The following C4orf17 variants were observed in gnomAD, a reference collection of about 807,000 sequenced individuals.
The protein encoded by C4orf17 is chromosome 4 open reading frame 17.
C4orf17 carries 25 observed loss-of-function variants against 32.0 expected under a neutral mutation model. The observed-to-expected ratio is 0.78, with a 90% confidence interval of 0.57 to 1.09. The LOEUF (loss-of-function observed/expected upper bound fraction) is 1.09. Ranked by LOEUF, C4orf17 falls within the 50% of genes least tolerant of loss-of-function variation. The pLI is 0.00. For synonymous variants in C4orf17, 149 were observed against 145.8 expected (o/e 1.02, Z -0.16); for missense variants, 420 against 420.0 (o/e 1.00, Z 0.00).
intron 2 of C4orf17, among the ~76,000 whole-genome samples, chr4:99,517,775 A>G (rs1316626496): frequency 6.6e-6 from 1 of 152,124 alleles, no homozygotes; most frequent in Non-Finnish European, 1.5e-5. Context: ...AATACCCTCT[A>G]TAGACCAAAT....
intron 5 of C4orf17, among the ~76,000 whole-genome samples, chr4:99,537,405 C>T (rs866194304): frequency 1.3e-5 from 2 of 152,242 alleles, no homozygotes; most frequent in Middle Eastern, 3.4e-3. Context: ...GCAGCTAATG[C>T]CCTCTTGTGA....
chr4:99,528,733 C>T (rs1307605939), intron 4 of C4orf17, among the ~76,000 whole-genome samples: 5 of 152,012 alleles, frequency 3.3e-5, no homozygotes, highest in African/African-American at 1.2e-4. Context: ...AAGGGGGAGG[C>T]CACTTATAAA....
intron 2 of C4orf17, among the ~76,000 whole-genome samples, chr4:99,518,334 G>T (rs765543756): frequency 6.6e-6 from 1 of 150,668 alleles, no homozygotes; most frequent in Non-Finnish European, 1.5e-5. Context: ...TGGGAGGATC[G>T]CTTGAGGTGG....
chr4:99,524,454 A>G, intron 3 of C4orf17, 67 bp from the exon 4 acceptor site: 1 of 913,654 alleles, frequency 1.1e-6, no homozygotes, highest in South Asian at 1.4e-5. Context: ...CAATTGACAC[A>G]TATATCATGT....
rs185893426 is a variant in C4orf17 at position 99,535,151 on chromosome 4, C to T, written c.547-2518C>T. ...CCTTTGTAGGTGACCTGGCCTTTCT[C>T]TCTGGCTGCCCTTAATGTTTTTTCT... On this transcript the variant is annotated intron_variant, in intron 5 of 8. Coordinates refer to ENST00000326581, the MANE Select transcript of C4orf17 (RefSeq NM_032149.3). 1.5e-3 allele frequency among the ~76,000 whole-genome samples: 225 copies of T among 152,200 alleles called. 1 individual carries two copies. Among genetic ancestry groups the T allele is most frequent in the African/African-American group, 5.2e-3 (217 of 41,522 alleles).
intron 7 of C4orf17, among the ~76,000 whole-genome samples, chr4:99,539,759 A>C (rs1485969893): frequency 6.6e-6 from 1 of 152,188 alleles, no homozygotes; most frequent in Non-Finnish European, 1.5e-5. Context: ...ATTTTGTTAA[A>C]TGTGTATCAC....
chr4:99,529,955 A>G lies in C4orf17; in HGVS notation c.543A>G (p.Ile181Met). Reference protein sequence around the residue: ...ICIPNYLDQEIKILAKLCSIL... With the variant: ...ICIPNYLDQEMKILAKLCSIL... ...TACCAAACTATCTGGATCAGGAAAT[A>G]AAAGTAAGTATCAGGTTTATCAAAT... The change falls in exon 5 of 9, where the codon ATA becomes ATG. Residue 181 changes from isoleucine to methionine, a missense_variant. Ile to Met is a conservative substitution (Grantham distance 10). Coordinates refer to ENST00000326581, the MANE Select transcript of C4orf17 (RefSeq NM_032149.3). 1 of 1,606,968 alleles carries G rather than the reference A, an allele frequency of 6.2e-7. No individual in the cohort carries two copies. The highest frequency in any genetic ancestry group is 8.5e-7 in the Non-Finnish European group (1 of 1,177,450).
intron 5 of C4orf17, among the ~76,000 whole-genome samples, chr4:99,531,761 T>A (rs1723480049): frequency 6.6e-6 from 1 of 152,132 alleles, no homozygotes; most frequent in Non-Finnish European, 1.5e-5. Context: ...AATAAAGTGA[T>A]AAAGTAGGTT....
chr4:99,538,674 G>A (rs1342685655), intron 6 of C4orf17, among the ~76,000 whole-genome samples: 1 of 151,826 alleles, frequency 6.6e-6, no homozygotes, highest in Non-Finnish European at 1.5e-5. Context: ...AGAAAGAACA[G>A]ATGAACCAGA....
In C4orf17 at chr4:99,539,356, G is replaced by A. The variant is rs114865189; in HGVS notation, c.822G>A (p.Gly274=). 3,763 of 1,613,918 alleles carry A rather than the reference G, an allele frequency of 2.3e-3. 81 individuals carry two copies. The African/African-American group carries it at 0.045, about 19-fold the overall frequency. The stretch of plus-strand genomic sequence containing the variant: ...AAGTGCTGACCAGAGATACAGAAGG[G>A]GATCAACCAACCAGGTAATTAGATA... ...KSKVLTRDTE[G]DQPTRVSSQG... The change falls in exon 7 of 9, where the codon GGG becomes GGA. Residue 274 remains glycine, a synonymous_variant. Coordinates refer to ENST00000326581, the MANE Select transcript of C4orf17 (RefSeq NM_032149.3).
Position 99,542,235 on chromosome 4 carries a change from A to G in C4orf17, c.*126A>G. On this transcript the variant is annotated 3_prime_UTR_variant, in exon 9 of 9. Coordinates refer to ENST00000326581, the MANE Select transcript of C4orf17 (RefSeq NM_032149.3). Reference sequence around the variant, plus strand: ...GTCCTCTTTATGGTGGCACATGTAAATCTAAAAATACCTGTATGTAATGCT... The same window carrying G: ...GTCCTCTTTATGGTGGCACATGTAAGTCTAAAAATACCTGTATGTAATGCT... 1 of 744,138 alleles carries G rather than the reference A, an allele frequency of 1.3e-6. No homozygotes were observed. The highest frequency in any genetic ancestry group is 2.3e-6 in the Non-Finnish European group (1 of 431,766). 46.1% of individuals were successfully genotyped at this position (744,138 alleles called of 1,614,324 possible).
At chr4:99,535,086 G>A (rs985987701) in intron 5 of C4orf17, among the ~76,000 whole-genome samples, 4 of 152,122 alleles carry the variant, frequency 2.6e-5, no homozygotes, top group African/African-American at 9.7e-5. Context: ...TGGCTTGTAG[G>A]GTTTCCACTG....
Position 99,539,221 on chromosome 4 carries a change from T to C in C4orf17, c.687T>C (p.Thr229=). 6.2e-7 allele frequency: 1 copy of C among 1,614,076 alleles called. No homozygotes were observed. Among genetic ancestry groups the C allele is most frequent in the Non-Finnish European group, 8.5e-7 (1 of 1,179,944 alleles). Residue 229 remains threonine, a synonymous_variant, in exon 7 of 9, where the codon ACT becomes ACC. Transcript: ENST00000326581. ...HSELAEINLL[T]HHRRNTSMEP... ...AGCTTGCCGAGATAAACCTGTTAAC[T>C]CATCACAGAAGAAACACCTCAATGG... is the stretch of plus-strand genomic sequence containing the variant.
At chr4:99,520,637 A>C (rs1723271323) in intron 2 of C4orf17, among the ~76,000 whole-genome samples, 2 of 152,208 alleles carry the variant, frequency 1.3e-5, no homozygotes, top group African/African-American at 2.4e-5. Context: ...TGCTCATGGT[A>C]ATATATGTTC....
chr4:99,520,385 G>A (rs576365710), intron 2 of C4orf17, among the ~76,000 whole-genome samples: 10 of 152,202 alleles, frequency 6.6e-5, no homozygotes, highest in South Asian at 2.1e-4. Context: ...GTGAGCCACC[G>A]CAACCAGCCA....
At position 99,520,506 on chromosome 4, in the gene C4orf17, T is replaced by C. The variant is rs1723268119; in HGVS notation, c.128-1994T>C. ...TACTTTAAAGCACTTGATGTATACC[T>C]CTTCTATATTTTATTTCACATTCTG... On this transcript the variant is annotated intron_variant, in intron 2 of 8. Coordinates refer to ENST00000326581, the MANE Select transcript of C4orf17 (RefSeq NM_032149.3). Among the ~76,000 whole-genome samples, 10 of 152,348 alleles carry C rather than the reference T, an allele frequency of 6.6e-5. 1 individual carries two copies. The South Asian group carries it at 2.1e-3, about 32-fold the overall frequency.
rs1315276907 is a variant in C4orf17, at chr4:99,542,294, T to C, written c.*185T>C. On this transcript the variant is annotated 3_prime_UTR_variant, in exon 9 of 9. Coordinates refer to ENST00000326581, the MANE Select transcript of C4orf17 (RefSeq NM_032149.3). ...ATATTACTGGAAATGATATTTCCATTTGTAGTTAATACGATGTGTAAAAGA... is the reference window on the plus strand; with the variant it reads ...ATATTACTGGAAATGATATTTCCATCTGTAGTTAATACGATGTGTAAAAGA... 1 of 615,292 alleles carries C rather than the reference T, an allele frequency of 1.6e-6. No homozygotes were observed. The highest frequency in any genetic ancestry group is 1.9e-5 in the African/African-American group (1 of 53,852). 38.1% of individuals were successfully genotyped at this position (615,292 alleles called of 1,614,324 possible).
chr4:99,518,544 T>TATATATATAGAG (rs1393245676), intron 2 of C4orf17, among the ~76,000 whole-genome samples: 5 of 36,818 alleles, frequency 1.4e-4, no homozygotes, highest in African/African-American at 2.6e-4. Context: ...TATATATATA[T>TATATATATAGAG]AGAGAGAGAG....
chr4:99,514,807 C>T (rs546111376), intron 2 of C4orf17, among the ~76,000 whole-genome samples: 1 of 152,150 alleles, frequency 6.6e-6, no homozygotes, highest in African/African-American at 2.4e-5. Flanking sequence ...CATGTACATG[C>T]ATGTTTATAC....
Sources: allele counts gnomAD v4.1 joint callset (sites outside exome capture counted in the v4.1 genomes callset), GRCh38; gene constraint gnomAD v4.1.1; transcripts MANE v1.5; gene names NCBI Gene and HGNC (gene_info 2026-07-23, HGNC 2026-07-21).